Variants in WDSUB1 observed in about 807,000 individuals in gnomAD.
The protein encoded by WDSUB1 is WD repeat, SAM and U-box domain-containing protein 1.
WDSUB1 carries 49 observed loss-of-function variants against 53.9 expected under a neutral mutation model. That is an observed-to-expected ratio of 0.91 (90% confidence interval 0.72 to 1.15). WDSUB1 has a LOEUF of 1.15. WDSUB1 is among the 50% of genes most tolerant of loss of function. The pLI, the probability that WDSUB1 is intolerant of heterozygous loss-of-function variation, is 0.00. For missense variants in WDSUB1, 514 were observed against 562.0 expected (o/e 0.91, Z 0.86); for synonymous variants, 194 against 200.6 (o/e 0.97, Z 0.28).
chr2:159,257,931 G>A lies in WDSUB1; in HGVS notation c.845+14C>T. On this transcript the variant is annotated intron_variant, in intron 7 of 10. Transcript: ENST00000359774. ...TTTAAATTATATTAATACAAGGTGA[G>A]GTTAAGTTCAGACCTGGTGTGCTGA... The A allele has an allele frequency of 6.2e-7, 1 of 1,612,700 alleles. No individual in the cohort carries two copies.
At chr2:159,257,897 T>C in intron 7 of WDSUB1, 33 bp from the exon 8 acceptor site, 1 of 1,610,178 alleles carries the variant, frequency 6.2e-7, no homozygotes, top group Non-Finnish European at 8.5e-7. Flanking sequence ...ATGTATCTTC[T>C]GACTAATTTT....
intron 3 of WDSUB1, among the ~76,000 whole-genome samples, 160 bp downstream of exon 3, chr2:159,279,601 G>A (rs1474850948): frequency 6.6e-6 from 1 of 151,844 alleles, no homozygotes; most frequent in Admixed American, 6.6e-5. Flanking sequence ...TTTCATTTTT[G>A]GTCAAAAAAG....
rs1392195988 is a variant in WDSUB1, at chr2:159,283,101, T to C, written c.-24-8A>G. On this transcript the variant is annotated splice_region_variant and splice_polypyrimidine_tract_variant and intron_variant, in intron 1 of 10. Transcript: ENST00000359774. ...TATTTGAAGAAAAACAGCCTGAAATTTTTAAGCAGATAAAGATTATTTATT... is the reference window on the plus strand; with the variant it reads ...TATTTGAAGAAAAACAGCCTGAAATCTTTAAGCAGATAAAGATTATTTATT... The C allele has an allele frequency of 6.4e-7, 1 of 1,573,886 alleles. No homozygotes were observed. The highest frequency in any genetic ancestry group is 8.6e-7 in the Non-Finnish European group (1 of 1,157,802).
intron 9 of WDSUB1, among the ~76,000 whole-genome samples, chr2:159,253,131 T>G (rs1219632224): frequency 6.6e-6 from 1 of 152,174 alleles, no homozygotes; most frequent in Non-Finnish European, 1.5e-5. Flanking sequence ...TTGCGTAATA[T>G]CACATCTAAA....
intron 10 of WDSUB1, among the ~76,000 whole-genome samples, chr2:159,247,893 AT>A (rs2060839840): frequency 6.5e-5 from 2 of 30,662 alleles, no homozygotes; most frequent in African/African-American, 1.0e-4. Context: ...ATAAATATAT[AT>A]ATATATATAT....
intron 2 of WDSUB1, among the ~76,000 whole-genome samples, chr2:159,280,962 T>C (rs969442159): frequency 2.6e-5 from 4 of 152,176 alleles, no homozygotes; most frequent in African/African-American, 7.2e-5. Context: ...GAAGTCATCA[T>C]TGGATAAGTA....
chr2:159,257,089 C>T (rs1241731626), intron 8 of WDSUB1, among the ~76,000 whole-genome samples: 1 of 152,138 alleles, frequency 6.6e-6, no homozygotes, highest in Non-Finnish European at 1.5e-5. Flanking sequence ...GCCTCATGAC[C>T]TCCTGGGCTC....
Position 159,274,621 on chromosome 2 carries a change from T to A in WDSUB1, c.676+925A>T, listed in dbSNP as rs138405991. Among the ~76,000 whole-genome samples, 5 of 152,290 alleles carry A rather than the reference T, an allele frequency of 3.3e-5. 1 individual carries two copies. Among genetic ancestry groups the A allele is most frequent in the African/African-American group, 1.2e-4 (5 of 41,548 alleles). On this transcript the variant is annotated intron_variant, in intron 4 of 10. Coordinates refer to ENST00000359774, the MANE Select transcript of WDSUB1 (RefSeq NM_001128212.3). Reference sequence around the variant, plus strand: ...AAAAATACAACTGCCTGGGAAGCTCTAGGGTGACAGAGTGTCTACTCCCTA... The same window carrying A: ...AAAAATACAACTGCCTGGGAAGCTCAAGGGTGACAGAGTGTCTACTCCCTA...
intron 6 of WDSUB1, among the ~76,000 whole-genome samples, chr2:159,259,515 A>G (rs1279142569): frequency 4.6e-5 from 7 of 152,208 alleles, no homozygotes; most frequent in African/African-American, 1.4e-4. Context: ...GCCTGGTGTA[A>G]AAGTTTAATA....
In WDSUB1 at chr2:159,282,731, T is replaced by C. The variant is rs1460029263; in HGVS notation, c.339A>G (p.Ala113=). 1 of 1,614,040 alleles carries C rather than the reference T, an allele frequency of 6.2e-7. No homozygotes were observed. Among genetic ancestry groups the C allele is most frequent in the Non-Finnish European group, 8.5e-7 (1 of 1,180,024 alleles). ...CCACAGTTCCATCAGCTGCCCCTGA[T>C]GCCAAACACGTGGAGTCTGGGGAAA... ...CQFSPDSTCL[A]SGAADGTVVL... The change falls in exon 2 of 11, where the codon GCA becomes GCG. Residue 113 remains alanine (A), a synonymous_variant. Coordinates refer to ENST00000359774, the MANE Select transcript of WDSUB1 (RefSeq NM_001128212.3).
At chr2:159,259,706 C>T (rs773609147) in intron 6 of WDSUB1, 104 bp downstream of exon 6, 135 of 1,253,148 alleles carry the variant, frequency 1.1e-4, no homozygotes, top group Non-Finnish European at 1.4e-4. Flanking sequence ...CTTAGTCATA[C>T]TAAACAGAAA....
chr2:159,236,242 A>G (rs989337512), intron 10 of WDSUB1, 52 bp from the exon 11 acceptor site: 1 of 1,536,204 alleles, frequency 6.5e-7, no homozygotes, highest in African/African-American at 1.4e-5. Flanking sequence ...GGAAATGAGG[A>G]TGTCTAAAAT....
chr2:159,286,182 T>C (rs919120592), intron 1 of WDSUB1, among the ~76,000 whole-genome samples: 2 of 152,038 alleles, frequency 1.3e-5, no homozygotes. Flanking sequence ...CGTAAACACA[T>C]GAATCCCATC....
At chr2:159,267,513 C>T (rs753677573) in intron 5 of WDSUB1, among the ~76,000 whole-genome samples, 1 of 152,042 alleles carries the variant, frequency 6.6e-6, no homozygotes, top group Non-Finnish European at 1.5e-5. Context: ...CTGTGTTGTC[C>T]AGGCTGGTCT....
intron 9 of WDSUB1, among the ~76,000 whole-genome samples, chr2:159,251,548 C>T (rs112734443): frequency 1.3e-5 from 2 of 152,266 alleles, no homozygotes; most frequent in African/African-American, 4.8e-5. Flanking sequence ...AACCAAACAT[C>T]TCCTTTTGTG....
At chr2:159,279,564 G>C (rs1004001396) in intron 3 of WDSUB1, among the ~76,000 whole-genome samples, 197 bp downstream of exon 3, 5 of 151,998 alleles carry the variant, frequency 3.3e-5, no homozygotes, top group Admixed American at 3.3e-4. Context: ...AAAAAAGAAT[G>C]CAATTTTCTC....
At chr2:159,284,284 T>C (rs1037213180) in intron 1 of WDSUB1, among the ~76,000 whole-genome samples, 1 of 152,248 alleles carries the variant, frequency 6.6e-6, no homozygotes, top group Non-Finnish European at 1.5e-5. Flanking sequence ...CAAACTGATT[T>C]GATGTTGAGC....
intron 8 of WDSUB1, among the ~76,000 whole-genome samples, chr2:159,257,272 G>A (rs2061084471): frequency 6.6e-6 from 1 of 152,114 alleles, no homozygotes; most frequent in Non-Finnish European, 1.5e-5. Context: ...AAAGTGCTGG[G>A]ATTATAAGTG....
At chr2:159,247,073 A>G (rs1239758746) in intron 10 of WDSUB1, among the ~76,000 whole-genome samples, 1 of 152,208 alleles carries the variant, frequency 6.6e-6, no homozygotes, top group African/African-American at 2.4e-5. Context: ...TTTTCCTAAG[A>G]TTCACTTTTA....
Sources: allele counts gnomAD v4.1 joint callset (sites outside exome capture counted in the v4.1 genomes callset), GRCh38; gene constraint gnomAD v4.1.1; transcripts MANE v1.5; gene names NCBI Gene and HGNC (gene_info 2026-07-23, HGNC 2026-07-21).